The following NLRP2 variants were observed in gnomAD, a reference collection of about 807,000 sequenced individuals.
The protein encoded by NLRP2 is NACHT, LRR and PYD domains-containing protein 2.
NLRP2 carries 107 observed loss-of-function variants against 97.2 expected under a neutral mutation model. The ratio of observed to expected loss-of-function variants is 1.10; its 90% CI spans 0.94 to 1.29. NLRP2 has a LOEUF of 1.29. Among genes scored for constraint, NLRP2 ranks in the 50% most tolerant of loss-of-function variants. The pLI, the probability that NLRP2 is intolerant of heterozygous loss-of-function variation, is 0.00. For synonymous variants in NLRP2, 663 were observed against 551.5 expected (o/e 1.20, Z -2.83); for missense variants, 1,495 against 1,330.3 (o/e 1.12, Z -1.93).
At chr19:54,999,165 C>T (rs534510778) in intron 12 of NLRP2, among the ~76,000 whole-genome samples, 34 of 151,972 alleles carry the variant, frequency 2.2e-4, no homozygotes, top group Middle Eastern at 3.2e-3. Flanking sequence ...CCTCCCCGCC[C>T]GGCCAGAGTT....
chr19:54,994,121 T>C (rs747551849), intron 10 of NLRP2, 148 bp from the exon 11 acceptor site: 59 of 870,974 alleles, frequency 6.8e-5, no homozygotes, highest in Non-Finnish European at 1.1e-4. Context: ...GAGGCCATTC[T>C]TCTGTCCACC....
In NLRP2 at chr19:54,982,761, A is replaced by C. The variant is rs1174582911; in HGVS notation, c.1063A>C (p.Arg355=). 6.2e-7 allele frequency: 1 copy of C among 1,614,132 alleles called. No individual in the cohort carries two copies. Among genetic ancestry groups the C allele is most frequent in the Admixed American group, 1.7e-5 (1 of 60,012 alleles). ...CCTGGCGGAGGAGCCGATCTACATA[A>C]GGGTGGAGGGCTTCCTGGAGGAGGA... ...RILAEEPIYI[R]VEGFLEEDRR... Residue 355 remains arginine (R), a synonymous_variant, in exon 6 of 13, where the codon AGG becomes CGG. Coordinates refer to ENST00000448584, the MANE Select transcript of NLRP2 (RefSeq NM_017852.5).
Position 54,986,197 on chromosome 19 carries a change from G to C in NLRP2, c.2248G>C (p.Ala750Pro), listed in dbSNP as rs868678363. 1 of 1,613,346 alleles carries C rather than the reference G, an allele frequency of 6.2e-7. No homozygotes were observed. Among genetic ancestry groups the C allele is most frequent in the Middle Eastern group, 1.7e-4 (1 of 6,060 alleles). The change falls in exon 8 of 13, where the codon GCT becomes CCT. Residue 750 changes from alanine to proline, a missense_variant. By Grantham distance (27) the Ala-to-Pro change is conservative (BLOSUM62 -1). Coordinates refer to ENST00000448584, the MANE Select transcript of NLRP2 (RefSeq NM_017852.5). ...PADAHRNLCL[A>P]LRGHKTVTYL... ...TGATGCTCATCGGAACCTCTGCCTA[G>C]CTCTTCGAGGTCACAAGACTGTAAC... is the stretch of plus-strand genomic sequence containing the variant.
At position 54,981,662 on chromosome 19, in the gene NLRP2, T is replaced by C. The variant is rs770598840; in HGVS notation, c.443T>C (p.Val148Ala). ...AATGTCATCTGCCTGGGTAAAGAAG[T>C]CTTTAAAGGAAAAAAGCCAGGTCTG... Reference protein sequence around the residue: ...KGNVICLGKEVFKGKKPDKDN... With the variant: ...KGNVICLGKEAFKGKKPDKDN... Residue 148 changes from valine (V) to alanine (A), a missense_variant, in exon 5 of 13, where the codon GTC (valine) becomes GCC (alanine). Transcript: ENST00000448584. 2.5e-6 allele frequency: 4 copies of C among 1,590,762 alleles called. No homozygotes were observed. The highest frequency in any genetic ancestry group is 1.3e-5 in the African/African-American group (1 of 74,424).
rs61515967 is a variant in NLRP2, at chr19:54,977,487, TTGTGTGTGTGTGTGTGTG to T, written c.326-245_326-228del. 5.9e-3 allele frequency among the ~76,000 whole-genome samples: 864 copies of T among 147,532 alleles called. 5 individuals are homozygous for T. The highest frequency in any genetic ancestry group is 0.02 in the African/African-American group (825 of 40,322). ...TCCAGTGGCCTTATGCGTGAGTAGT[TTGTGTGTGTGTGTGTGTG>T]TGTGTGTGTGTGTGTGTGTCTTTCA... is the stretch of plus-strand genomic sequence containing the variant. On this transcript the variant is annotated intron_variant, in intron 3 of 12. Transcript: ENST00000448584.
intron 11 of NLRP2, among the ~76,000 whole-genome samples, chr19:54,996,037 CAAA>C (rs544759995): frequency 2.7e-5 from 2 of 73,320 alleles, no homozygotes; most frequent in Non-Finnish European, 5.0e-5. Context: ...GATCCTGTCT[CAAA>C]AAAAAAAAAA....
intron 3 of NLRP2, among the ~76,000 whole-genome samples, chr19:54,976,287 TCGTGATCCA>T (rs951525496): frequency 2.0e-5 from 3 of 151,262 alleles, no homozygotes; most frequent in African/African-American, 7.3e-5. Flanking sequence ...ACTCCTGACC[TCGTGATCCA>T]CGTGCCTCAG....
chr19:54,967,126 C>A (rs1287363836), intron 1 of NLRP2, among the ~76,000 whole-genome samples: 2 of 151,918 alleles, frequency 1.3e-5, no homozygotes, highest in African/African-American at 4.8e-5. Context: ...CTCAGACTCC[C>A]AAAATTCTGG....
At chr19:54,975,106 G>A (rs980052911) in intron 3 of NLRP2, among the ~76,000 whole-genome samples, 1 of 58,674 alleles carries the variant, frequency 1.7e-5, no homozygotes, top group Non-Finnish European at 3.5e-5. Flanking sequence ...ACCCGGTTTT[G>A]TTTTTTTTTT....
rs112370529 is a variant in NLRP2 at position 55,000,171 on chromosome 19, C to T, written c.3051-589C>T. Among the ~76,000 whole-genome samples, 1,314 of 146,274 alleles carry T rather than the reference C, an allele frequency of 9.0e-3. 12 individuals are homozygous for T. Among genetic ancestry groups the T allele is most frequent in the African/African-American group, 0.032 (1,263 of 39,578 alleles). On this transcript the variant is annotated intron_variant, in intron 12 of 12. Coordinates refer to ENST00000448584, the MANE Select transcript of NLRP2 (RefSeq NM_017852.5). ...GCAGGTGCCTGTAGTCCCAGCTACTCGGGAGGCAGAGGATAGGATGGCTTG... is the reference window on the plus strand; with the variant it reads ...GCAGGTGCCTGTAGTCCCAGCTACTTGGGAGGCAGAGGATAGGATGGCTTG...
At chr19:54,997,175 G>T in intron 11 of NLRP2, 142 bp from the exon 12 acceptor site, 2 of 835,924 alleles carry the variant, frequency 2.4e-6, no homozygotes, top group Admixed American at 1.9e-5. Context: ...AAAGTGCTGG[G>T]ATTACAGGCG....
intron 9 of NLRP2, 35 bp downstream of exon 9, chr19:54,990,227 TTCGA>T: frequency 1.2e-6 from 2 of 1,608,280 alleles, no homozygotes; most frequent in South Asian, 2.2e-5. Context: ...CAGCTGTGCT[TTCGA>T]TCTGGGGCCA....
intron 8 of NLRP2, 35 bp downstream of exon 8, chr19:54,986,350 C>T (rs1402658563): frequency 3.1e-6 from 5 of 1,587,472 alleles, no homozygotes; most frequent in African/African-American, 2.7e-5. Context: ...CTTCATCATA[C>T]AAACATAAGC....
chr19:54,993,532 TCTTCTGCCTGTAAGACACTAC>T (rs1160860274), intron 10 of NLRP2: 1 of 154,502 alleles, frequency 6.5e-6, no homozygotes, highest in Non-Finnish European at 1.4e-5. Flanking sequence ...TGAGCTGGTG[TCTTCTGCCTGTAAGACACTAC>T]CTCTCTAGCA....
In NLRP2 at chr19:54,985,237, T is replaced by C. The variant is rs755926281; in HGVS notation, c.2201+20T>C. The C allele has an allele frequency of 3.9e-5, 62 of 1,609,568 alleles. No individual in the cohort carries two copies. Among genetic ancestry groups the C allele is most frequent in the Non-Finnish European group, 4.3e-5 (51 of 1,176,376 alleles). ...AGTGGTGTAAGTAGAAACTAATTCA[T>C]GAACTCAAATCCTTAGGGTATGAAA... is the stretch of plus-strand genomic sequence containing the variant. On this transcript the variant is annotated intron_variant, in intron 7 of 12. Transcript: ENST00000448584.
rs1047631390 is a variant in NLRP2, at chr19:54,981,025, C to T, written c.398-592C>T. On this transcript the variant is annotated intron_variant, in intron 4 of 12. Coordinates refer to ENST00000448584, the MANE Select transcript of NLRP2 (RefSeq NM_017852.5). ...ACTTGGGAAGCTGAGGCAGGAGAAT[C>T]GCTTGAACCCGGGAGGCGGAGGTTG... Among the ~76,000 whole-genome samples, 47 of 152,124 alleles carry T rather than the reference C, an allele frequency of 3.1e-4. 1 individual carries two copies. Among genetic ancestry groups the T allele is most frequent in the African/African-American group, 1.0e-3 (42 of 41,440 alleles).
In NLRP2 at chr19:54,966,465, G is replaced by A. The variant is rs1157056248; in HGVS notation, c.-20G>A. On this transcript the variant is annotated splice_region_variant and 5_prime_UTR_variant, in exon 1 of 13. Coordinates refer to ENST00000448584, the MANE Select transcript of NLRP2 (RefSeq NM_017852.5). ...GCCGGCGAGTAGGGCCAGGTGTTGG[G>A]AGGTGAGTAGCTCTCCGGCAGCTCT... The A allele has an allele frequency of 6.6e-6, 1 of 152,288 alleles. No individual in the cohort carries two copies. Among genetic ancestry groups the A allele is most frequent in the South Asian group, 2.1e-4 (1 of 4,830 alleles). 9.4% of individuals were successfully genotyped at this position (152,288 alleles called of 1,614,324 possible).
At chr19:54,991,550 CA>C (rs34809658) in intron 10 of NLRP2, 74 of 136,076 alleles carry the variant, frequency 5.4e-4, no homozygotes, top group East Asian at 8.5e-4. Flanking sequence ...AAGACTCTCT[CA>C]AAAAAAAAAA....
rs2071259002 is a variant in NLRP2, at chr19:54,976,808, CTCTCTTTT to C, written c.326-942_326-935del. ...TGTTATTAGGATTCCACCTTGTTCT[CTCTCTTTT>C]TTTTTTTTTTTTTGATACGGAGTCT... On this transcript the variant is annotated intron_variant, in intron 3 of 12. Coordinates refer to ENST00000448584, the MANE Select transcript of NLRP2 (RefSeq NM_017852.5). 13 of 229,358 alleles carry C rather than the reference CTCTCTTTT, an allele frequency of 5.7e-5. 1 individual carries two copies. The Admixed American group carries it at 7.5e-4, about 13-fold the overall frequency. The allele number at this position is 229,358 out of a possible 1,614,324, so 14.2% of individuals were successfully genotyped here.
Sources: allele counts gnomAD v4.1 joint callset (sites outside exome capture counted in the v4.1 genomes callset), GRCh38; gene constraint gnomAD v4.1.1; transcripts MANE v1.5; gene names NCBI Gene and HGNC (gene_info 2026-07-23, HGNC 2026-07-21).